The following CD38 variants were observed in gnomAD, a reference collection of about 807,000 sequenced individuals.
CD38 encodes the protein CD38 molecule.
In CD38, 31 loss-of-function variants were observed where a neutral mutation model predicts 36.3. The observed-to-expected ratio is 0.85, with a 90% CI of 0.64 to 1.15. CD38 has a LOEUF of 1.15. Among genes scored for constraint, CD38 ranks in the 50% most tolerant of loss-of-function variants. CD38 has a pLI of 0.00. For missense variants in CD38, 380 were observed against 371.9 expected, an observed-to-expected ratio of 1.02 and a Z score of -0.18; for synonymous variants, 131 against 135.2, an observed-to-expected ratio of 0.97 and a Z score of 0.22.
chr4:15,849,688 T>C lies in CD38; in HGVS notation c.*1086T>C, dbSNP rs1724345131. 6.6e-6 allele frequency: 1 copy of C among 152,234 alleles called. No homozygotes were observed. The highest frequency in any genetic ancestry group is 2.1e-4 in the South Asian group (1 of 4,836). 9.4% of individuals were successfully genotyped at this position (152,234 alleles called of 1,614,324 possible). On this transcript the variant is annotated 3_prime_UTR_variant, in exon 8 of 8. Transcript: ENST00000226279. ...ATTACTTTTTCAAAGAACTAAGCTTTAGCTTCATTGATTTTTTTCTATTTA... is the reference window on the plus strand; with the variant it reads ...ATTACTTTTTCAAAGAACTAAGCTTCAGCTTCATTGATTTTTTTCTATTTA...
At chr4:15,810,080 A>T (rs1381822187) in intron 1 of CD38, among the ~76,000 whole-genome samples, 1 of 152,202 alleles carries the variant, frequency 6.6e-6, no homozygotes, top group East Asian at 1.9e-4. Flanking sequence ...AAGGGCAGAG[A>T]GTTAAGTTAC....
intron 1 of CD38, among the ~76,000 whole-genome samples, chr4:15,790,927 A>G (rs1295288123): frequency 8.2e-6 from 1 of 121,658 alleles, no homozygotes; most frequent in Admixed American, 8.3e-5. Context: ...AGGTGAGGAG[A>G]CCCTCTGCCT....
At chr4:15,825,397 G>C (rs1040802142) in intron 3 of CD38, 2 of 208,812 alleles carry the variant, frequency 9.6e-6, no homozygotes, top group Non-Finnish European at 1.9e-5. Flanking sequence ...GTAATGACCA[G>C]CTGTCCTGGG....
chr4:15,826,457 G>GCGCA (rs1553874519), intron 3 of CD38, among the ~76,000 whole-genome samples: 2,367 of 89,438 alleles, frequency 0.026, 41 homozygotes, highest in African/African-American at 0.099. Flanking sequence ...ACACTTTTGT[G>GCGCA]CGCACACACA....
rs188759031 is a variant in CD38, at chr4:15,783,844, A to T, written c.233+5197A>T. Among the ~76,000 whole-genome samples, 275 of 152,276 alleles carry T rather than the reference A, an allele frequency of 1.8e-3. 2 individuals are homozygous for T. The highest frequency in any genetic ancestry group is 6.2e-3 in the African/African-American group (258 of 41,554). The stretch of plus-strand genomic sequence containing the variant: ...CCATTTTTACTTCCCCATGCCTCCC[A>T]TTTTAATGACTGTAGGATTTTCTCA... On this transcript the variant is annotated intron_variant, in intron 1 of 7. Coordinates refer to ENST00000226279, the MANE Select transcript of CD38 (RefSeq NM_001775.4).
At chr4:15,848,079 T>G (rs1577664687) in intron 7 of CD38, among the ~76,000 whole-genome samples, 1 of 152,348 alleles carries the variant, frequency 6.6e-6, no homozygotes, top group South Asian at 2.1e-4. Context: ...TTCCTCGCTA[T>G]CCACCATCCC....
intron 1 of CD38, among the ~76,000 whole-genome samples, chr4:15,789,260 C>T (rs1446929406): frequency 1.3e-5 from 2 of 152,150 alleles, no homozygotes; most frequent in Non-Finnish European, 2.9e-5. Context: ...AGATGAAATT[C>T]TTGCTCACAT....
At chr4:15,791,127 G>A (rs1577636275) in intron 1 of CD38, among the ~76,000 whole-genome samples, 5 of 123,842 alleles carry the variant, frequency 4.0e-5, no homozygotes, top group Admixed American at 3.6e-4. Flanking sequence ...CTACTGGGAA[G>A]TGAGGAGCCC....
At chr4:15,801,440 A>T (rs985343127) in intron 1 of CD38, among the ~76,000 whole-genome samples, 1 of 152,300 alleles carries the variant, frequency 6.6e-6, no homozygotes, top group African/African-American at 2.4e-5. Context: ...AACTCATTCT[A>T]TAAGGCCAGA....
intron 1 of CD38, among the ~76,000 whole-genome samples, chr4:15,794,535 CAAGT>C (rs1305154774): frequency 2.6e-5 from 4 of 151,962 alleles, no homozygotes; most frequent in South Asian, 2.1e-4. Context: ...TCTGATTGGC[CAAGT>C]AAGATGAAGA....
chr4:15,780,818 A>C (rs1010343678), intron 1 of CD38, among the ~76,000 whole-genome samples: 1 of 152,346 alleles, frequency 6.6e-6, no homozygotes, highest in Middle Eastern at 3.4e-3. Context: ...AGCTAAAAGA[A>C]GTGAGTTGGG....
chr4:15,845,742 A>T (rs1724257760), intron 7 of CD38, among the ~76,000 whole-genome samples: 1 of 19,634 alleles, frequency 5.1e-5, no homozygotes, highest in Non-Finnish European at 7.9e-5. Context: ...AATGTACAAA[A>T]ATCACAAGCA....
intron 1 of CD38, among the ~76,000 whole-genome samples, chr4:15,787,387 A>G (rs1352544253): frequency 1.3e-5 from 2 of 152,232 alleles, no homozygotes; most frequent in Admixed American, 6.5e-5. Context: ...TTCAAAAAGC[A>G]GGAAACAGCT....
chr4:15,823,660 ACAG>A (rs923550358), intron 2 of CD38, among the ~76,000 whole-genome samples: 1 of 152,196 alleles, frequency 6.6e-6, no homozygotes, highest in Non-Finnish European at 1.5e-5. Context: ...AAGTCAAGAA[ACAG>A]CAGATGCTGG....
chr4:15,835,840 A>G (rs1560319572), intron 4 of CD38, among the ~76,000 whole-genome samples: 1 of 152,160 alleles, frequency 6.6e-6, no homozygotes, highest in Non-Finnish European at 1.5e-5. Context: ...TCCTGAATAC[A>G]ATTCCATTGT....
At chr4:15,785,361 C>T (rs1300805533) in intron 1 of CD38, among the ~76,000 whole-genome samples, 1 of 152,116 alleles carries the variant, frequency 6.6e-6, no homozygotes, top group East Asian at 1.9e-4. Flanking sequence ...CAACAGATAT[C>T]AGGAGAGGGA....
At chr4:15,812,244 TG>T (rs1348110302) in intron 1 of CD38, among the ~76,000 whole-genome samples, 1 of 152,208 alleles carries the variant, frequency 6.6e-6, no homozygotes, top group East Asian at 1.9e-4. Context: ...CTTTCAACTT[TG>T]GTCTTCTTTT....
At chr4:15,800,446 C>A (rs1000945656) in intron 1 of CD38, among the ~76,000 whole-genome samples, 1 of 152,148 alleles carries the variant, frequency 6.6e-6, no homozygotes, top group African/African-American at 2.4e-5. Context: ...TCTAGTTGTT[C>A]TACGTCCTTG....
chr4:15,839,865 C>A (rs1318177731), intron 5 of CD38, among the ~76,000 whole-genome samples, 161 bp from the exon 6 acceptor site: 4 of 152,142 alleles, frequency 2.6e-5, no homozygotes, highest in Non-Finnish European at 5.9e-5. Flanking sequence ...AACCGAGGGT[C>A]ATGCTGAATA....
Sources: allele counts gnomAD v4.1 joint callset (sites outside exome capture counted in the v4.1 genomes callset), GRCh38; gene constraint gnomAD v4.1.1; transcripts MANE v1.5; gene names NCBI Gene and HGNC (gene_info 2026-07-23, HGNC 2026-07-21).